The following FARP1 variants were observed in gnomAD, a reference collection of about 807,000 sequenced individuals.
FARP1 encodes FERM, ARHGEF and pleckstrin domain-containing protein 1.
FARP1 carries 52 observed loss-of-function variants against 128.8 expected under a neutral mutation model. The ratio of observed to expected loss-of-function variants is 0.40; its 90% confidence interval spans 0.32 to 0.51. FARP1 has a LOEUF of 0.51. Ranked by LOEUF, FARP1 falls within the 20% of genes least tolerant of loss-of-function variation. The pLI is 0.45. For missense variants in FARP1, 1,333 were observed against 1,367.9 expected, an observed-to-expected ratio of 0.97 and a Z score of 0.40; for synonymous variants, 580 against 551.8, an observed-to-expected ratio of 1.05 and a Z score of -0.72.
intron 2 of FARP1, among the ~76,000 whole-genome samples, chr13:98,335,315 A>C (rs939770103): frequency 7.2e-5 from 11 of 152,208 alleles, no homozygotes; most frequent in Admixed American, 2.0e-4. Context: ...GGGAGGCCTT[A>C]CAATCATGGC....
At chr13:98,283,786 G>A (rs1455029828) in intron 2 of FARP1, among the ~76,000 whole-genome samples, 1 of 152,166 alleles carries the variant, frequency 6.6e-6, no homozygotes, top group Non-Finnish European at 1.5e-5. Flanking sequence ...AGAATACACT[G>A]CCACAAATAT....
chr13:98,214,061 C>T (rs1259070641), intron 2 of FARP1, among the ~76,000 whole-genome samples: 2 of 152,266 alleles, frequency 1.3e-5, no homozygotes, highest in Non-Finnish European at 2.9e-5. Context: ...CCGGAGGTGT[C>T]ACAGGAGGAG....
At chr13:98,370,867 G>C (rs1889296144) in intron 5 of FARP1, among the ~76,000 whole-genome samples, 1 of 152,170 alleles carries the variant, frequency 6.6e-6, no homozygotes, top group African/African-American at 2.4e-5. Flanking sequence ...AGGCAGCCAG[G>C]AATTGGCAGA....
intron 19 of FARP1, among the ~76,000 whole-genome samples, chr13:98,437,281 C>A (rs1892308799): frequency 6.6e-6 from 1 of 152,092 alleles, no homozygotes; most frequent in Admixed American, 6.5e-5. Flanking sequence ...GTCTCCTTAT[C>A]TGAAAAATGG....
chr13:98,305,965 A>G (rs1341468949), intron 2 of FARP1, among the ~76,000 whole-genome samples: 1 of 152,080 alleles, frequency 6.6e-6, no homozygotes, highest in Non-Finnish European at 1.5e-5. Context: ...ACAAGGAGGC[A>G]ACACAACTCC....
At chr13:98,161,248 T>C (rs1432640716) in intron 1 of FARP1, among the ~76,000 whole-genome samples, 1 of 150,264 alleles carries the variant, frequency 6.7e-6, no homozygotes, top group African/African-American at 2.5e-5. Flanking sequence ...GGAGCTTTGC[T>C]CTTGTTGCCC....
In FARP1 at chr13:98,249,384, C is replaced by A. The variant is rs148634076; in HGVS notation, c.171+35971C>A. Among the ~76,000 whole-genome samples, 175 of 152,286 alleles carry A rather than the reference C, an allele frequency of 1.1e-3. 1 individual carries two copies. The highest frequency in any genetic ancestry group is 4.0e-3 in the African/African-American group (166 of 41,562). ...TAAAATTTTTAATGATACGATACTT[C>A]TTTTATGTGACATGGTAAGAACTTA... On this transcript the variant is annotated intron_variant, in intron 2 of 26. Coordinates refer to ENST00000319562, the MANE Select transcript of FARP1 (RefSeq NM_005766.4).
chr13:98,273,943 C>T (rs757866048), intron 2 of FARP1, among the ~76,000 whole-genome samples: 3 of 152,136 alleles, frequency 2.0e-5, no homozygotes, highest in Admixed American at 2.0e-4. Context: ...CAGACTTAGC[C>T]ACTTATAATC....
chr13:98,165,214 C>CAAAAAAA (rs34285712), intron 1 of FARP1, among the ~76,000 whole-genome samples: 3 of 84,764 alleles, frequency 3.5e-5, no homozygotes, highest in Admixed American at 1.6e-4. Context: ...GACTCTGTCT[C>CAAAAAAA]AAAAAAAAAA....
rs1452429965 is a variant in FARP1, at chr13:98,450,305, A to G, written c.*1988A>G. 6.6e-6 allele frequency: 1 copy of G among 152,220 alleles called. No homozygotes were observed. The highest frequency in any genetic ancestry group is 1.5e-5 in the Non-Finnish European group (1 of 68,036). The allele number at this position is 152,220 out of a possible 1,614,324, so 9.4% of individuals were successfully genotyped here. A position where few individuals can be genotyped will look rare whatever the true frequency, so the allele number is the denominator to read the frequency against. ...TTTGCTGACACATTTTATAGCAGAA[A>G]TACACAAGCTGTTTTTAAAGGAGGG... On this transcript the variant is annotated 3_prime_UTR_variant, in exon 27 of 27. Transcript: ENST00000319562.
chr13:98,154,177 T>C (rs1027833961), intron 1 of FARP1, among the ~76,000 whole-genome samples: 5 of 152,216 alleles, frequency 3.3e-5, no homozygotes, highest in South Asian at 4.1e-4. Context: ...CATTTACTTA[T>C]TGAAGAACAG....
intron 24 of FARP1, among the ~76,000 whole-genome samples, chr13:98,443,244 C>T (rs1473714497): frequency 6.6e-6 from 1 of 152,192 alleles, no homozygotes; most frequent in African/African-American, 2.4e-5. Flanking sequence ...AGTTTGCTGA[C>T]CCTAGTAGAG....
chr13:98,217,657 A>T (rs1297882637), intron 2 of FARP1, among the ~76,000 whole-genome samples: 2 of 151,756 alleles, frequency 1.3e-5, no homozygotes, highest in Non-Finnish European at 2.9e-5. Flanking sequence ...TGCCTGGGCA[A>T]CTCCCATGGC....
intron 1 of FARP1, among the ~76,000 whole-genome samples, chr13:98,194,014 C>A (rs1879406518): frequency 6.6e-6 from 1 of 152,108 alleles, no homozygotes; most frequent in Non-Finnish European, 1.5e-5. Context: ...TTTGCTTTAT[C>A]ATGCTCTATA....
At chr13:98,425,865 T>A (rs1891767704) in intron 17 of FARP1, among the ~76,000 whole-genome samples, 1 of 152,224 alleles carries the variant, frequency 6.6e-6, no homozygotes, top group Non-Finnish European at 1.5e-5. Context: ...CATTAATAAT[T>A]CCTTTAACAT....
At chr13:98,273,482 C>G (rs147205868) in intron 2 of FARP1, among the ~76,000 whole-genome samples, 73 of 152,292 alleles carry the variant, frequency 4.8e-4, no homozygotes, top group East Asian at 3.1e-3. Flanking sequence ...CCATCCTGGC[C>G]AGGAATTCAG....
At chr13:98,436,772 G>A (rs1014779361) in intron 19 of FARP1, among the ~76,000 whole-genome samples, 5 of 152,198 alleles carry the variant, frequency 3.3e-5, no homozygotes, top group Non-Finnish European at 7.3e-5. Context: ...GCCAGGCCTC[G>A]GCACTTAATG....
chr13:98,291,064 T>A (rs1885426569), intron 2 of FARP1, among the ~76,000 whole-genome samples: 1 of 151,872 alleles, frequency 6.6e-6, no homozygotes, highest in Non-Finnish European at 1.5e-5. Context: ...GTGCCCAACC[T>A]GTGCAGTCAG....
chr13:98,328,002 T>G (rs183633915), intron 2 of FARP1, among the ~76,000 whole-genome samples: 1 of 152,150 alleles, frequency 6.6e-6, no homozygotes, highest in South Asian at 2.1e-4. Context: ...CACGGTCCCA[T>G]GTTCAAAACA....
Sources: gnomAD v4.1 joint callset for allele counts (sites outside exome capture counted in the v4.1 genomes callset) on GRCh38, gnomAD v4.1.1 for gene constraint, MANE v1.5 for transcripts, NCBI Gene and HGNC (gene_info 2026-07-23, HGNC 2026-07-21) for gene names.